AGBL4: variants seen among roughly 807,000 people sequenced by gnomAD.
AGBL4 encodes AGBL carboxypeptidase 4.
In AGBL4, 58 loss-of-function variants were observed where a neutral mutation model predicts 66.4. The ratio of observed to expected loss-of-function variants is 0.87; its 90% CI spans 0.71 to 1.09. The LOEUF is 1.09. AGBL4 is among the 50% of genes least tolerant of loss of function. The pLI, the probability that AGBL4 is intolerant of heterozygous loss-of-function variation, is 0.00. For synonymous variants in AGBL4, 234 were observed against 222.9 expected, an observed-to-expected ratio of 1.05 and a Z score of -0.44; for missense variants, 579 against 631.0, an observed-to-expected ratio of 0.92 and a Z score of 0.88.
At chr1:49,736,389 T>C (rs1649892063) in intron 2 of AGBL4, among the ~76,000 whole-genome samples, 1 of 152,062 alleles carries the variant, frequency 6.6e-6, no homozygotes, top group Non-Finnish European at 1.5e-5. Context: ...CATCAAGTAT[T>C]TTTTACAACC....
intron 3 of AGBL4, among the ~76,000 whole-genome samples, chr1:49,339,557 G>T (rs1645498456): frequency 6.6e-6 from 1 of 152,156 alleles, no homozygotes. Context: ...CTCTTATCAA[G>T]AATACAAGGA....
At chr1:49,762,635 A>G (rs561870941) in intron 2 of AGBL4, among the ~76,000 whole-genome samples, 1 of 152,170 alleles carries the variant, frequency 6.6e-6, no homozygotes, top group South Asian at 2.1e-4. Context: ...GATGGTCTCA[A>G]TCTCCTGACC....
intron 6 of AGBL4, among the ~76,000 whole-genome samples, chr1:48,827,099 T>C (rs1646443246): frequency 6.6e-6 from 1 of 152,224 alleles, no homozygotes; most frequent in African/African-American, 2.4e-5. Context: ...TTACCCCTGA[T>C]TTCTTAAATC....
At chr1:48,751,667 A>G (rs184673591) in intron 6 of AGBL4, among the ~76,000 whole-genome samples, 6 of 152,222 alleles carry the variant, frequency 3.9e-5, no homozygotes, top group Admixed American at 1.3e-4. Context: ...TAAGCTTGTC[A>G]CATGGCAATA....
intron 8 of AGBL4, among the ~76,000 whole-genome samples, chr1:48,638,982 C>A (rs1645712990): frequency 6.6e-6 from 1 of 152,190 alleles, no homozygotes; most frequent in African/African-American, 2.4e-5. Flanking sequence ...AGGGCCCAGA[C>A]TAGAACTCAG....
chr1:48,990,391 T>C lies in AGBL4; in HGVS notation c.594+55193A>G, dbSNP rs544571077. 1.6e-3 allele frequency among the ~76,000 whole-genome samples: 245 copies of C among 152,322 alleles called. 4 individuals are homozygous for C. The highest frequency in any genetic ancestry group is 5.7e-3 in the African/African-American group (238 of 41,588). On this transcript the variant is annotated intron_variant, in intron 5 of 13. Transcript: ENST00000371839. Reference sequence around the variant, plus strand: ...GCTGTGCAGAAGGTTTTTAACTTAATGTGATCCCATCTGTCCAGTTTTGCT... The same window carrying C: ...GCTGTGCAGAAGGTTTTTAACTTAACGTGATCCCATCTGTCCAGTTTTGCT...
intron 1 of AGBL4, among the ~76,000 whole-genome samples, chr1:49,998,814 C>T (rs891824248): frequency 3.0e-4 from 46 of 152,130 alleles, no homozygotes; most frequent in African/African-American, 1.1e-3. Context: ...ACTGCATAAA[C>T]AGAATTAAAA....
At chr1:49,635,236 A>C (rs1645648524) in intron 3 of AGBL4, among the ~76,000 whole-genome samples, 1 of 152,208 alleles carries the variant, frequency 6.6e-6, no homozygotes, top group African/African-American at 2.4e-5. Context: ...TCATACACAA[A>C]AGTTAATTCC....
chr1:48,722,275 C>T (rs555528684), intron 6 of AGBL4, among the ~76,000 whole-genome samples: 19 of 152,206 alleles, frequency 1.2e-4, no homozygotes, highest in Admixed American at 7.9e-4. Context: ...ATGCAAAGTC[C>T]TGTATTTCAT....
At chr1:49,785,220 G>T (rs1229252202) in intron 2 of AGBL4, among the ~76,000 whole-genome samples, 1 of 151,992 alleles carries the variant, frequency 6.6e-6, no homozygotes. Flanking sequence ...AGAGTACAAA[G>T]CTTCTATCTG....
rs571086559 is a variant in AGBL4, at chr1:49,510,492, C to T, written c.282+186821G>A. On this transcript the variant is annotated intron_variant, in intron 3 of 13. Coordinates refer to ENST00000371839, the MANE Select transcript of AGBL4 (RefSeq NM_032785.4). ...TAGATTCTGGATATTAGCCCTTTGT[C>T]AGATGAGTAGGTTGCAAAAATTTTC... is the stretch of plus-strand genomic sequence containing the variant. 9.9e-4 allele frequency among the ~76,000 whole-genome samples: 149 copies of T among 150,306 alleles called. 2 individuals are homozygous for T. Among genetic ancestry groups the T allele is most frequent in the Admixed American group, 3.9e-3 (59 of 15,096 alleles).
chr1:49,396,547 T>A (rs1294106515), intron 3 of AGBL4, among the ~76,000 whole-genome samples: 3 of 152,118 alleles, frequency 2.0e-5, no homozygotes, highest in African/African-American at 7.2e-5. Context: ...AGCAAAAATA[T>A]GAAAAAATAA....
intron 5 of AGBL4, among the ~76,000 whole-genome samples, chr1:48,995,577 G>T (rs1660938668): frequency 6.6e-6 from 1 of 152,124 alleles, no homozygotes; most frequent in African/African-American, 2.4e-5. Flanking sequence ...AAATTAAATG[G>T]CATAATTTGG....
chr1:49,600,229 T>C (rs1463760412), intron 3 of AGBL4, among the ~76,000 whole-genome samples: 1 of 152,170 alleles, frequency 6.6e-6, no homozygotes, highest in African/African-American at 2.4e-5. Context: ...ACTCCCACTA[T>C]TATTGTGTGG....
intron 6 of AGBL4, among the ~76,000 whole-genome samples, chr1:48,712,336 G>T (rs1646980943): frequency 6.6e-6 from 1 of 152,108 alleles, no homozygotes; most frequent in Non-Finnish European, 1.5e-5. Context: ...GGCTCTTCAG[G>T]ACCTGGCCCT....
intron 2 of AGBL4, among the ~76,000 whole-genome samples, chr1:49,765,694 AG>A (rs1208719617): frequency 1.3e-5 from 2 of 152,124 alleles, no homozygotes; most frequent in African/African-American, 4.8e-5. Flanking sequence ...AACACAAAAA[AG>A]CTTTGAAAGC....
At chr1:49,360,539 T>C (rs567642346) in intron 3 of AGBL4, among the ~76,000 whole-genome samples, 25 of 152,318 alleles carry the variant, frequency 1.6e-4, no homozygotes, top group African/African-American at 5.8e-4. Flanking sequence ...AAACTGTTGC[T>C]GTTTTATTGC....
At chr1:49,121,077 T>C (rs889405574) in intron 4 of AGBL4, among the ~76,000 whole-genome samples, 1 of 152,192 alleles carries the variant, frequency 6.6e-6, no homozygotes, top group Non-Finnish European at 1.5e-5. Context: ...AGGTCTTCTA[T>C]ATACTGTTTA....
chr1:49,206,535 C>T (rs1483919489), intron 4 of AGBL4, among the ~76,000 whole-genome samples: 2 of 151,990 alleles, frequency 1.3e-5, no homozygotes, highest in African/African-American at 4.8e-5. Flanking sequence ...AAACACAAAC[C>T]CCTTCCCTGA....
Sources: gnomAD v4.1 joint callset for allele counts (sites outside exome capture counted in the v4.1 genomes callset) on GRCh38, gnomAD v4.1.1 for gene constraint, MANE v1.5 for transcripts, NCBI Gene and HGNC (gene_info 2026-07-23, HGNC 2026-07-21) for gene names.